ZNF280B: variants seen among roughly 807,000 people sequenced by gnomAD.
The protein encoded by ZNF280B is zinc finger protein 280B.
Under a neutral mutation model 38.0 loss-of-function variants are expected in ZNF280B, and 16 were observed. The ratio of observed to expected loss-of-function variants is 0.42; its 90% CI spans 0.28 to 0.64. The LOEUF (loss-of-function observed/expected upper bound fraction) is 0.64, where lower values mean the gene tolerates loss of function less well. ZNF280B is among the 30% of genes least tolerant of loss of function. The pLI is 0.21. For missense variants in ZNF280B, 581 were observed against 639.6 expected, an observed-to-expected ratio of 0.91 and a Z score of 0.99; for synonymous variants, 253 against 230.6, an observed-to-expected ratio of 1.10 and a Z score of -0.88.
rs564332081 is a variant in ZNF280B at position 22,486,407 on chromosome 22, T to C, written c.*1360A>G. The C allele has an allele frequency of 2.0e-5, 3 of 147,510 alleles. No individual in the cohort carries two copies. The East Asian group carries it at 5.9e-4, about 29-fold the overall frequency. 9.1% of individuals were successfully genotyped at this position (147,510 alleles called of 1,614,324 possible). A position where few individuals can be genotyped will look rare whatever the true frequency, so the allele number is the denominator to read the frequency against. On this transcript the variant is annotated 3_prime_UTR_variant, in exon 4 of 4. Transcript: ENST00000626650. ...AGTCCAGGAACTGGACAGACACCACTTGTTTGGCCCTTTTCAGTTAAAACT... is the reference window on the plus strand; with the variant it reads ...AGTCCAGGAACTGGACAGACACCACCTGTTTGGCCCTTTTCAGTTAAAACT...
At chr22:22,496,696 AT>A (rs2061702588) in intron 2 of ZNF280B, among the ~76,000 whole-genome samples, 1 of 151,668 alleles carries the variant, frequency 6.6e-6, no homozygotes, top group African/African-American at 2.4e-5. Flanking sequence ...GCAAGGGAAG[AT>A]GGTGGGGATA....
chr22:22,489,458 A>T lies in ZNF280B; in HGVS notation c.-60T>A, dbSNP rs2061550461. On this transcript the variant is annotated 5_prime_UTR_variant, in exon 4 of 4. Transcript: ENST00000626650. ...CAAGTCCCAATGCTTCCTTTATATA[A>T]ACTGCCACCTAAGTACAAACATACA... The T allele has an allele frequency of 1.4e-6, 2 of 1,430,748 alleles. No homozygotes were observed. Among genetic ancestry groups the T allele is most frequent in the Non-Finnish European group, 1.9e-6 (2 of 1,058,944 alleles). The allele number at this position is 1,430,748 out of a possible 1,614,324, so 88.6% of individuals were successfully genotyped here.
In ZNF280B at chr22:22,488,502, C is replaced by A; in HGVS notation, c.897G>T (p.Pro299=). The change falls in exon 4 of 4, where the codon CCG becomes CCT. Residue 299 remains proline, a synonymous_variant. Transcript: ENST00000626650. ...YYGQHKGEGQ[P]EQKTHTTFKC... The stretch of plus-strand genomic sequence containing the variant: ...TAAAGGTGGTGTGAGTCTTCTGTTC[C>A]GGCTGCCCTTCTCCTTTATGCTGTC... 1 of 1,613,868 alleles carries A rather than the reference C, an allele frequency of 6.2e-7. No individual in the cohort carries two copies. Among genetic ancestry groups the A allele is most frequent in the Non-Finnish European group, 8.5e-7 (1 of 1,179,974 alleles).
At position 22,486,702 on chromosome 22, in the gene ZNF280B, C is replaced by T. The variant is rs945995914; in HGVS notation, c.*1065G>A. On this transcript the variant is annotated 3_prime_UTR_variant, in exon 4 of 4. Transcript: ENST00000626650. ...ATGTCTGCAGGGGCCCTTCACCAAA[C>T]AAAAGCATTTTACTTTGAATGGTTT... The T allele has an allele frequency of 1.3e-5, 2 of 151,960 alleles. No homozygotes were observed. The highest frequency in any genetic ancestry group is 4.8e-5 in the African/African-American group (2 of 41,370). The allele number at this position is 151,960 out of a possible 1,614,324, so 9.4% of individuals were successfully genotyped here. A position where few individuals can be genotyped will look rare whatever the true frequency, so the allele number is the denominator to read the frequency against.
intron 2 of ZNF280B, among the ~76,000 whole-genome samples, chr22:22,502,674 G>A (rs2061849600): frequency 6.6e-6 from 1 of 151,794 alleles, no homozygotes; most frequent in South Asian, 2.1e-4. Flanking sequence ...GACACAAAAG[G>A]CCGCATATTT....
intron 2 of ZNF280B, among the ~76,000 whole-genome samples, chr22:22,502,763 C>A (rs906214253): frequency 6.6e-6 from 1 of 151,728 alleles, no homozygotes; most frequent in Non-Finnish European, 1.5e-5. Flanking sequence ...GCCATGGGCT[C>A]GATGAAGAAG....
chr22:22,508,117 G>A lies in ZNF280B; in HGVS notation c.-247-247C>T, dbSNP rs549261366. ...CCCGAGGTCCTGGCTCTCACGGGAG[G>A]GACTCCATTAGGGTCCCAGGGGCTG... On this transcript the variant is annotated intron_variant, in intron 1 of 3. Transcript: ENST00000626650. 3.9e-5 allele frequency among the ~76,000 whole-genome samples: 6 copies of A among 151,942 alleles called. No individual in the cohort carries two copies. In the South Asian group the frequency reaches 1.3e-3, roughly 32 times the overall value.
chr22:22,501,538 C>G (rs1006430731), intron 2 of ZNF280B, among the ~76,000 whole-genome samples: 1 of 151,702 alleles, frequency 6.6e-6, no homozygotes, highest in Non-Finnish European at 1.5e-5. Flanking sequence ...ACACTCCAGC[C>G]TGGGCGACAG....
chr22:22,500,986 C>CTCCA (rs1178505176), intron 2 of ZNF280B, among the ~76,000 whole-genome samples: 1 of 138,046 alleles, frequency 7.2e-6, no homozygotes, highest in African/African-American at 2.7e-5. Flanking sequence ...CACCACTGCA[C>CTCCA]TCCAGCCTGG....
intron 2 of ZNF280B, among the ~76,000 whole-genome samples, chr22:22,502,782 GAA>G (rs2061851802): frequency 6.6e-6 from 1 of 151,838 alleles, no homozygotes; most frequent in Non-Finnish European, 1.5e-5. Context: ...AGAATGAAAG[GAA>G]TATAGCAGGT....
At chr22:22,505,689 G>A (rs911508073) in intron 2 of ZNF280B, among the ~76,000 whole-genome samples, 2 of 151,440 alleles carry the variant, frequency 1.3e-5, no homozygotes, top group South Asian at 4.2e-4. Context: ...AACCCAGGAA[G>A]CAGAGGTTGC....
intron 3 of ZNF280B, among the ~76,000 whole-genome samples, chr22:22,492,368 C>T (rs1168824042): frequency 1.3e-5 from 2 of 151,800 alleles, no homozygotes; most frequent in Non-Finnish European, 2.9e-5. Context: ...TAATTCTTTG[C>T]TGGGGGCTGT....
intron 2 of ZNF280B, among the ~76,000 whole-genome samples, chr22:22,495,210 TGAA>T (rs1354120109): frequency 1.3e-5 from 2 of 151,948 alleles, no homozygotes; most frequent in African/African-American, 4.8e-5. Context: ...CTCCCAGACT[TGAA>T]GAAAATTGGC....
Position 22,488,906 on chromosome 22 carries a change from T to C in ZNF280B, c.493A>G (p.Ile165Val). The C allele has an allele frequency of 1.2e-6, 2 of 1,613,770 alleles. No homozygotes were observed. Among genetic ancestry groups the C allele is most frequent in the Non-Finnish European group, 1.7e-6 (2 of 1,179,968 alleles). Residue 165 changes from isoleucine to valine, a missense_variant, in exon 4 of 4, where the codon ATA becomes GTA. By Grantham distance (29) the Ile-to-Val change is conservative. Coordinates refer to ENST00000626650, the MANE Select transcript of ZNF280B (RefSeq NM_080764.4). ...TTTGATACACGAGGACTTTCATTTA[T>C]ACCTCCTACTGAAAGTGCTGTACTT... ...PVSTALSVGG[I>V]NESPRVSKQL...
At chr22:22,507,605 C>A (rs991110668) in intron 2 of ZNF280B, among the ~76,000 whole-genome samples, 1 of 151,238 alleles carries the variant, frequency 6.6e-6, no homozygotes, top group African/African-American at 2.4e-5. Context: ...ACCACCCTCT[C>A]CTTTCTCAAC....
intron 3 of ZNF280B, among the ~76,000 whole-genome samples, chr22:22,490,634 A>T (rs1341169387): frequency 6.6e-6 from 1 of 151,676 alleles, no homozygotes; most frequent in Non-Finnish European, 1.5e-5. Flanking sequence ...CACCCAGCTA[A>T]TTTTTGTATT....
In ZNF280B at chr22:22,488,675, C is replaced by T; in HGVS notation, c.724G>A (p.Asp242Asn). Reference protein sequence around the residue: ...GAPFPAAFPKDNIHFKPINTN... With the variant: ...GAPFPAAFPKNNIHFKPINTN... ...TTTATAGGCTTGAAATGGATATTGTCCTTTGGAAAAGCTGCTGGAAAAGGT... is the reference window on the plus strand; with the variant it reads ...TTTATAGGCTTGAAATGGATATTGTTCTTTGGAAAAGCTGCTGGAAAAGGT... The change falls in exon 4 of 4, where the codon GAC becomes AAC. Residue 242 changes from aspartate (D) to asparagine (N), a missense_variant. Coordinates refer to ENST00000626650, the MANE Select transcript of ZNF280B (RefSeq NM_080764.4). 6.2e-7 allele frequency: 1 copy of T among 1,613,796 alleles called. No homozygotes were observed. The highest frequency in any genetic ancestry group is 1.1e-5 in the South Asian group (1 of 91,066).
At chr22:22,493,421 G>A (rs909189688) in intron 3 of ZNF280B, among the ~76,000 whole-genome samples, 5 of 151,994 alleles carry the variant, frequency 3.3e-5, no homozygotes, top group African/African-American at 1.2e-4. Context: ...CTGGTTTTGT[G>A]CTCTTTCTGC....
At chr22:22,507,278 C>A (rs2061957863) in intron 2 of ZNF280B, among the ~76,000 whole-genome samples, 1 of 151,916 alleles carries the variant, frequency 6.6e-6, no homozygotes, top group East Asian at 2.0e-4. Flanking sequence ...GGATTCCAGA[C>A]CTTCAAAAAC....
Sources: allele counts gnomAD v4.1 joint callset (sites outside exome capture counted in the v4.1 genomes callset), GRCh38; gene constraint gnomAD v4.1.1; transcripts MANE v1.5; gene names NCBI Gene and HGNC (gene_info 2026-07-23, HGNC 2026-07-21).